Variants in SESN3 observed in about 807,000 individuals in gnomAD.
SESN3 encodes sestrin-3.
A neutral mutation model predicts 55.3 loss-of-function variants in SESN3; 21 were observed. The ratio of observed to expected loss-of-function variants is 0.38; its 90% CI spans 0.27 to 0.55. The LOEUF is 0.55. SESN3 is among the 20% of genes least tolerant of loss of function. The pLI is 0.76. For missense variants in SESN3, 408 were observed against 604.3 expected, an observed-to-expected ratio of 0.68 and a Z score of 3.41; for synonymous variants, 181 against 203.1, an observed-to-expected ratio of 0.89 and a Z score of 0.93.
rs202125729 is a variant in SESN3, at chr11:95,185,238, A to G, written c.762+18T>C. 364 of 1,463,332 alleles carry G rather than the reference A, an allele frequency of 2.5e-4. No homozygotes were observed. Among genetic ancestry groups the G allele is most frequent in the Non-Finnish European group, 3.1e-4 (325 of 1,048,018 alleles). 90.6% of individuals were successfully genotyped at this position (1,463,332 alleles called of 1,614,324 possible). On this transcript the variant is annotated intron_variant, in intron 5 of 9. Transcript: ENST00000536441. ...TTTAAAGCAAAAATAGTAAAGAAAAATAGCTAAGAAAACTAACCCCAAAGT... is the reference window on the plus strand; with the variant it reads ...TTTAAAGCAAAAATAGTAAAGAAAAGTAGCTAAGAAAACTAACCCCAAAGT...
In SESN3 at chr11:95,172,627, A is replaced by C. The variant is rs1859871346; in HGVS notation, c.*628T>G. ...ACATTAAATTATGGGCAATAGCTGT[A>C]TCACATTTCATGTTATCGCCAATAG... is the stretch of plus-strand genomic sequence containing the variant. On this transcript the variant is annotated 3_prime_UTR_variant, in exon 10 of 10. Transcript: ENST00000536441. 1 of 152,248 alleles carries C rather than the reference A, an allele frequency of 6.6e-6. No individual in the cohort carries two copies. Among genetic ancestry groups the C allele is most frequent in the African/African-American group, 2.4e-5 (1 of 41,470 alleles). The allele number at this position is 152,248 out of a possible 1,614,324, so 9.4% of individuals were successfully genotyped here. A position where few individuals can be genotyped will look rare whatever the true frequency, so the allele number is the denominator to read the frequency against.
intron 4 of SESN3, among the ~76,000 whole-genome samples, chr11:95,187,869 G>A (rs1294055137): frequency 6.6e-6 from 1 of 151,644 alleles, no homozygotes; most frequent in Non-Finnish European, 1.5e-5. Context: ...GCCTGTATAT[G>A]CTCATGTCAT....
intron 1 of SESN3, among the ~76,000 whole-genome samples, chr11:95,227,178 TTTTC>T (rs1275840902): frequency 5.9e-5 from 9 of 151,930 alleles, no homozygotes; most frequent in Non-Finnish European, 1.3e-4. Context: ...AATCTAGTAT[TTTTC>T]TTTTTTTTTT....
chr11:95,230,555 A>C lies in SESN3; in HGVS notation c.78+228T>G. On this transcript the variant is annotated intron_variant, in intron 1 of 9. Coordinates refer to ENST00000536441, the MANE Select transcript of SESN3 (RefSeq NM_144665.4). The surrounding 1 kb of genome is among the most constrained non-coding windows in gnomAD (Gnocchi z 4.6). ...CCAAATAAAAGGAACAAGGGAAGAA[A>C]AAATATCCCAACCCCTCCAGACTTG... 1.9e-6 allele frequency: 1 copy of C among 526,880 alleles called. No homozygotes were observed. Among genetic ancestry groups the C allele is most frequent in the Non-Finnish European group, 3.3e-6 (1 of 299,402 alleles). The allele number at this position is 526,880 out of a possible 1,614,324, so 32.6% of individuals were successfully genotyped here.
At chr11:95,211,041 G>GA (rs1208628768) in intron 1 of SESN3, among the ~76,000 whole-genome samples, 1 of 152,172 alleles carries the variant, frequency 6.6e-6, no homozygotes, top group African/African-American at 2.4e-5. Flanking sequence ...AAGATGCTCT[G>GA]ACACAATTAT....
chr11:95,184,571 T>G lies in SESN3; in HGVS notation c.786A>C (p.Leu262=), dbSNP rs1404567800. Residue 262 remains leucine, a synonymous_variant, in exon 6 of 10, where the codon CTA becomes CTC. Coordinates refer to ENST00000536441, the MANE Select transcript of SESN3 (RefSeq NM_144665.4). Reference sequence around the variant, plus strand: ...TTTTCATCCTTTCCATTAAGGCCTCTAGCTCACTTAGAGAATCCACAATCT... The same window carrying G: ...TTTTCATCCTTTCCATTAAGGCCTCGAGCTCACTTAGAGAATCCACAATCT... The part of the protein sequence containing the change: ...NFGIVDSLSE[L]EALMERMKRL... The G allele has an allele frequency of 1.2e-6, 2 of 1,613,054 alleles. No individual in the cohort carries two copies. The highest frequency in any genetic ancestry group is 3.3e-5 in the Admixed American group (2 of 59,894).
chr11:95,184,465 G>T lies in SESN3; in HGVS notation c.892C>A (p.Leu298Ile). 2 of 1,613,564 alleles carry T rather than the reference G, an allele frequency of 1.2e-6. No homozygotes were observed. The highest frequency in any genetic ancestry group is 1.7e-6 in the Non-Finnish European group (2 of 1,179,786). The stretch of plus-strand genomic sequence containing the variant: ...AAAGTATCTCCAGAGACCACAAAAA[G>T]ACTTTCTTTCTTCTCCTTTTCAAAA... ...TRFEKEKKES[L>I]FVVSGDTFHS... Residue 298 changes from leucine to isoleucine, a missense_variant, in exon 6 of 10, where the codon CTT becomes ATT. Coordinates refer to ENST00000536441, the MANE Select transcript of SESN3 (RefSeq NM_144665.4).
chr11:95,221,023 C>T (rs1272894667), intron 1 of SESN3, among the ~76,000 whole-genome samples: 2 of 152,128 alleles, frequency 1.3e-5, no homozygotes, highest in African/African-American at 4.8e-5. Context: ...AGAGTCACAG[C>T]CGGGCTGGGT....
intron 9 of SESN3, 89 bp downstream of exon 9, chr11:95,175,409 T>C: frequency 8.7e-7 from 1 of 1,146,732 alleles, no homozygotes; most frequent in Non-Finnish European, 1.2e-6. Context: ...CTATAATTTA[T>C]TAATACTTTC....
chr11:95,227,084 G>A (rs1860959437), intron 1 of SESN3, among the ~76,000 whole-genome samples: 1 of 151,846 alleles, frequency 6.6e-6, no homozygotes, highest in Admixed American at 6.6e-5. Context: ...TCCACAGATA[G>A]AGCAAATACA....
chr11:95,200,438 T>G (rs1360114261), intron 1 of SESN3, among the ~76,000 whole-genome samples: 2 of 152,068 alleles, frequency 1.3e-5, no homozygotes, highest in East Asian at 3.8e-4. Context: ...GATCCAAGAT[T>G]ATTCCATAAG....
At chr11:95,226,888 C>T (rs1591082882) in intron 1 of SESN3, among the ~76,000 whole-genome samples, 1 of 152,234 alleles carries the variant, frequency 6.6e-6, no homozygotes, top group East Asian at 1.9e-4. Flanking sequence ...CATTTTAAAA[C>T]CCCAAAGAAT....
chr11:95,185,586 T>C (rs1860147831), intron 4 of SESN3, 94 bp from the exon 5 acceptor site: 1 of 794,688 alleles, frequency 1.3e-6, no homozygotes, highest in Non-Finnish European at 2.1e-6. Flanking sequence ...TATATCCACT[T>C]AGAGTAATAA....
At chr11:95,174,312 G>A (rs1591043163) in intron 9 of SESN3, among the ~76,000 whole-genome samples, 1 of 152,278 alleles carries the variant, frequency 6.6e-6, no homozygotes, top group Non-Finnish European at 1.5e-5. Context: ...AGGACTTAAG[G>A]CCAGCTCTTA....
At position 95,171,986 on chromosome 11, in the gene SESN3, G is replaced by T. The variant is rs1038727883; in HGVS notation, c.*1269C>A. On this transcript the variant is annotated 3_prime_UTR_variant, in exon 10 of 10. Coordinates refer to ENST00000536441, the MANE Select transcript of SESN3 (RefSeq NM_144665.4). Reference sequence around the variant, plus strand: ...TCCAAGGAGATTTTTCTGGGGAAGGGAATGCTTTGGCATTATGAAAGGAAC... The same window carrying T: ...TCCAAGGAGATTTTTCTGGGGAAGGTAATGCTTTGGCATTATGAAAGGAAC... 2.6e-5 allele frequency: 4 copies of T among 152,096 alleles called. No homozygotes were observed. The highest frequency in any genetic ancestry group is 4.4e-5 in the Non-Finnish European group (3 of 68,004). 9.4% of individuals were successfully genotyped at this position (152,096 alleles called of 1,614,324 possible). A position where few individuals can be genotyped will look rare whatever the true frequency, so the allele number is the denominator to read the frequency against.
intron 2 of SESN3, among the ~76,000 whole-genome samples, chr11:95,192,185 A>G (rs549327415): frequency 7.9e-5 from 12 of 152,236 alleles, no homozygotes; most frequent in Middle Eastern, 3.4e-3. Context: ...GAGCCTAACA[A>G]TAATAATTAC....
At position 95,207,845 on chromosome 11, in the gene SESN3, TG is replaced by T. The variant is rs1286693361; in HGVS notation, c.79-14324del. ...ATGTTTTTTTTGTTTTGTTTTGTTTTGTTTTTTTTGTAGAGACTGGGTTTCA... is the reference window on the plus strand; with the variant it reads ...ATGTTTTTTTTGTTTTGTTTTGTTTTTTTTTTTTGTAGAGACTGGGTTTCA... On this transcript the variant is annotated intron_variant, in intron 1 of 9. Coordinates refer to ENST00000536441, the MANE Select transcript of SESN3 (RefSeq NM_144665.4). 3.1e-4 allele frequency among the ~76,000 whole-genome samples: 47 copies of T among 151,252 alleles called. 2 individuals are homozygous for T. Among genetic ancestry groups the T allele is most frequent in the African/African-American group, 8.5e-4 (35 of 41,154 alleles).
At position 95,167,878 on chromosome 11, in the gene SESN3, TCTTC is replaced by T. The variant is rs1374574827; in HGVS notation, c.*5373_*5376del. 6.6e-6 allele frequency: 1 copy of T among 152,180 alleles called. No homozygotes were observed. The highest frequency in any genetic ancestry group is 1.5e-5 in the Non-Finnish European group (1 of 68,018). 9.4% of individuals were successfully genotyped at this position (152,180 alleles called of 1,614,324 possible). A position where few individuals can be genotyped will look rare whatever the true frequency, so the allele number is the denominator to read the frequency against. On this transcript the variant is annotated 3_prime_UTR_variant, in exon 10 of 10. Transcript: ENST00000536441. The stretch of plus-strand genomic sequence containing the variant: ...ACATCTTCTTCCTCTTTGCATTTCC[TCTTC>T]CTTCTGGATATACCCGAAGTGCGGC...
At chr11:95,193,610 T>G (rs1340655714) in intron 1 of SESN3, 88 bp from the exon 2 acceptor site, 1 of 739,340 alleles carries the variant, frequency 1.4e-6, no homozygotes. Flanking sequence ...GGTACTAAAA[T>G]AAAGAGAATA....
Sources: allele counts gnomAD v4.1 joint callset (sites outside exome capture counted in the v4.1 genomes callset), GRCh38; gene constraint gnomAD v4.1.1; non-coding constraint Gnocchi (gnomAD v3.1); transcripts MANE v1.5; gene names NCBI Gene and HGNC (gene_info 2026-07-23, HGNC 2026-07-21).